SLC25A51: variants seen among roughly 807,000 people sequenced by gnomAD.
SLC25A51 encodes the protein mitochondrial nicotinamide adenine dinucleotide transporter SLC25A51.
In SLC25A51, 11 loss-of-function variants were observed where a neutral mutation model predicts 19.1. The observed-to-expected ratio is 0.58, with a 90% CI of 0.36 to 0.96. The LOEUF is 0.96. Ranked by LOEUF, SLC25A51 falls within the 40% of genes least tolerant of loss-of-function variation. The pLI is 0.01. For synonymous variants in SLC25A51, 105 were observed against 133.6 expected (o/e 0.79, Z 1.47); for missense variants, 201 against 365.4 (o/e 0.55, Z 3.67).
intron 2 of SLC25A51, 84 bp from the exon 3 acceptor site, chr9:37,888,676 T>A: frequency 9.4e-7 from 1 of 1,061,572 alleles, no homozygotes; most frequent in South Asian, 1.6e-5. Context: ...TCCTCTAATA[T>A]CTGGACACCA....
At chr9:37,900,069 C>A (rs1455483724) in intron 1 of SLC25A51, 119 bp from the exon 2 acceptor site, 3 of 121,976 alleles carry the variant, frequency 2.5e-5, no homozygotes, top group Non-Finnish European at 4.7e-5. Context: ...AACTCCTGGG[C>A]TCAAGTGTTC....
downstream of SLC25A51, chr9:37,886,365 A>C: frequency 6.2e-7 from 1 of 1,609,256 alleles, no homozygotes; most frequent in Non-Finnish European, 8.5e-7. Context: ...ACAGTGTCAG[A>C]TGGGGAAAGC....
rs758909213 is a variant in SLC25A51 at position 37,888,444 on chromosome 9, C to T, written c.107G>A (p.Cys36Tyr). 3 of 1,614,226 alleles carry T rather than the reference C, an allele frequency of 1.9e-6. No individual in the cohort carries two copies. In the South Asian group the frequency reaches 3.3e-5, roughly 18 times the overall value. ...ATTGTTGAAGGCTGCACAGCAGCCACACAAGTAATGCTTCATCTCACCAAC... is the reference window on the plus strand; with the variant it reads ...ATTGTTGAAGGCTGCACAGCAGCCATACAAGTAATGCTTCATCTCACCAAC... Reference protein sequence around the residue: ...TNVGEMKHYLCGCCAAFNNVA... With the variant: ...TNVGEMKHYLYGCCAAFNNVA... The change falls in exon 3 of 3, where the codon TGT becomes TAT. Residue 36 changes from cysteine to tyrosine, a missense_variant. Transcript: ENST00000242275.
chr9:37,882,290 T>C (rs1427092526), intron 2 of SLC25A51, among the ~76,000 whole-genome samples: 1 of 152,116 alleles, frequency 6.6e-6, no homozygotes, highest in East Asian at 1.9e-4. Flanking sequence ...TATGACTGCA[T>C]ACGCCTCACT....
At chr9:37,885,626 G>A (rs1419212881), downstream of SLC25A51, 31 of 799,754 alleles carry the variant, frequency 3.9e-5, no homozygotes, top group South Asian at 2.1e-4. Context: ...ATAATACGGC[G>A]CCCAACGTGG....
chr9:37,892,276 G>A (rs1419121716), intron 2 of SLC25A51, among the ~76,000 whole-genome samples: 2 of 152,190 alleles, frequency 1.3e-5, no homozygotes, highest in African/African-American at 4.8e-5. Flanking sequence ...GACATGACCC[G>A]TGGGCTCGGC....
downstream of SLC25A51, chr9:37,886,502 GGGGC>G (rs1831460838): frequency 1.3e-5 from 16 of 1,191,256 alleles, no homozygotes; most frequent in South Asian, 2.3e-4. Flanking sequence ...GTGACTGGGT[GGGGC>G]AGTGCGCAGC....
At chr9:37,898,201 A>C (rs1022404978) in intron 2 of SLC25A51, among the ~76,000 whole-genome samples, 6 of 152,238 alleles carry the variant, frequency 3.9e-5, no homozygotes, top group Non-Finnish European at 5.9e-5. Context: ...ACTTGAGGTC[A>C]GAAGTTCAAG....
At chr9:37,877,768 G>A (rs1831280568), downstream of SLC25A51, among the ~76,000 whole-genome samples, 1 of 152,162 alleles carries the variant, frequency 6.6e-6, no homozygotes, top group South Asian at 2.1e-4. Context: ...AGCACTTTGG[G>A]AGGCTGAGGT....
chr9:37,895,122 ATTGT>A (rs1164501636), intron 2 of SLC25A51, among the ~76,000 whole-genome samples: 1 of 151,772 alleles, frequency 6.6e-6, no homozygotes, highest in Non-Finnish European at 1.5e-5. Flanking sequence ...TCCTTTGGGT[ATTGT>A]TTTTTTCTAT....
chr9:37,882,547 T>C (rs2118291411), intron 2 of SLC25A51, among the ~76,000 whole-genome samples: 1 of 152,344 alleles, frequency 6.6e-6, no homozygotes, highest in East Asian at 1.9e-4. Context: ...CCAACCATGT[T>C]AAGATGAATA....
At chr9:37,886,232 A>T (rs1831454419), downstream of SLC25A51, 2 of 1,601,228 alleles carry the variant, frequency 1.2e-6, no homozygotes, top group Admixed American at 1.7e-5. Context: ...TGTCTCATGG[A>T]CCTTCTCTGA....
Position 37,888,152 on chromosome 9 carries a change from T to C in SLC25A51, c.399A>G (p.Ala133=). ...VAAVLAGTTE[A]IFTPLERVQT... ...GAACTCTTTCCAGTGGAGTGAAAAT[T>C]GCTTCTGTTGTCCCTGCAAGCACTG... is the stretch of plus-strand genomic sequence containing the variant. The change falls in exon 3 of 3, where the codon GCA becomes GCG. Residue 133 remains alanine, a synonymous_variant. Coordinates refer to ENST00000242275, the MANE Select transcript of SLC25A51 (RefSeq NM_033412.4). 2 of 1,613,948 alleles carry C rather than the reference T, an allele frequency of 1.2e-6. No homozygotes were observed. Among genetic ancestry groups the C allele is most frequent in the Non-Finnish European group, 1.7e-6 (2 of 1,179,864 alleles).
At chr9:37,885,922 C>T (rs1831446003), downstream of SLC25A51, 2 of 1,606,194 alleles carry the variant, frequency 1.2e-6, no homozygotes, top group Non-Finnish European at 1.7e-6. Flanking sequence ...TCAAGTACTT[C>T]AATGATAAAA....
At chr9:37,879,455 C>A in exon 4 of SLC25A51, 1 of 174,974 alleles carries the variant, frequency 5.7e-6, no homozygotes. Flanking sequence ...ACTTTGAACA[C>A]ATGGATTTTT....
intron 2 of SLC25A51, among the ~76,000 whole-genome samples, chr9:37,893,489 T>TGTA (rs1202015600): frequency 2.6e-5 from 4 of 152,206 alleles, no homozygotes; most frequent in African/African-American, 9.7e-5. Flanking sequence ...GTCACTTGGT[T>TGTA]GTATCCAGAG....
chr9:37,881,409 C>T lies in SLC25A51; in HGVS notation n.522+109G>A, dbSNP rs1397883113. On this transcript the variant is annotated intron_variant and non_coding_transcript_variant, in intron 3 of 3. Transcript: ENST00000496760. ...AGTAGCTCACGCCTGTAATCCCAGACTTTTGGGAGGCCAAGGTGGGCAGAT... is the reference window on the plus strand; with the variant it reads ...AGTAGCTCACGCCTGTAATCCCAGATTTTTGGGAGGCCAAGGTGGGCAGAT... 3.3e-5 allele frequency: 5 copies of T among 152,124 alleles called. No homozygotes were observed. The South Asian group carries it at 8.3e-4, about 25-fold the overall frequency. 9.4% of individuals were successfully genotyped at this position (152,124 alleles called of 1,614,324 possible). A position where few individuals can be genotyped will look rare whatever the true frequency, so the allele number is the denominator to read the frequency against.
In SLC25A51 at chr9:37,887,950, G is replaced by C. The variant is rs138756351; in HGVS notation, c.601C>G (p.Leu201Val). The C allele has an allele frequency of 2.5e-6, 4 of 1,611,886 alleles. No individual in the cohort carries two copies. The highest frequency in any genetic ancestry group is 3.4e-6 in the Non-Finnish European group (4 of 1,179,872). ...FGLRGPIKEH[L>V]PTATTHSAHL... Reference sequence around the variant, plus strand: ...GCACTGTGAGTCGTTGCGGTAGGCAGATGCTCCTTAATGGGACCTCGAAGG... The same window carrying C: ...GCACTGTGAGTCGTTGCGGTAGGCACATGCTCCTTAATGGGACCTCGAAGG... Residue 201 changes from leucine to valine, a missense_variant, in exon 3 of 3, where the codon CTG becomes GTG. Leu to Val is a conservative substitution (Grantham distance 32). Transcript: ENST00000242275.
At chr9:37,886,243 G>A, downstream of SLC25A51, 1 of 1,606,950 alleles carries the variant, frequency 6.2e-7, no homozygotes, top group African/African-American at 1.3e-5. Context: ...CCTTCTCTGA[G>A]GAGAATGTGA....
Sources: allele counts gnomAD v4.1 joint callset (sites outside exome capture counted in the v4.1 genomes callset), GRCh38; gene constraint gnomAD v4.1.1; transcripts MANE v1.5; gene names NCBI Gene and HGNC (gene_info 2026-07-23, HGNC 2026-07-21).